SUPT20H: variants seen among roughly 807,000 people sequenced by gnomAD.
The protein encoded by SUPT20H is transcription factor SPT20 homolog.
In SUPT20H, 82 loss-of-function variants were observed where a neutral mutation model predicts 122.8. The observed-to-expected ratio is 0.67, with a 90% confidence interval of 0.56 to 0.80. The LOEUF is 0.80. Ranked by LOEUF, SUPT20H falls within the 30% of genes least tolerant of loss-of-function variation. The probability of loss-of-function intolerance (pLI) is 0.00; values close to 1 mark genes in which losing one functional copy is unlikely to be tolerated. For synonymous variants in SUPT20H, 291 were observed against 313.0 expected (o/e 0.93, Z 0.74); for missense variants, 831 against 921.6 (o/e 0.90, Z 1.27).
At chr13:37,043,964 A>C (rs570348566) in intron 7 of SUPT20H, 114 bp downstream of exon 7, 8 of 588,088 alleles carry the variant, frequency 1.4e-5, no homozygotes, top group Non-Finnish European at 2.3e-5. Context: ...ATCTGTCATG[A>C]AACATCATGT....
intron 6 of SUPT20H, 36 bp from the exon 7 acceptor site, chr13:37,044,217 C>T: frequency 6.5e-7 from 1 of 1,527,510 alleles, no homozygotes; most frequent in South Asian, 1.2e-5. Context: ...AATGATCATG[C>T]TCACTGAAAG....
chr13:37,022,695 A>C lies in SUPT20H; in HGVS notation c.1592-615T>G, dbSNP rs1366620393. ...CTAATTCAAGACTTCATTTAAAAAT[A>C]TTGCTTATTTAGTGTAAAAGTCTGA... On this transcript the variant is annotated intron_variant, in intron 19 of 25. Coordinates refer to ENST00000350612, the MANE Select transcript of SUPT20H (RefSeq NM_001014286.3). This position sits in a 1 kb window ranked among gnomAD's most constrained non-coding sequence, Gnocchi z 4.5. 1.0e-6 allele frequency: 1 copy of C among 992,216 alleles called. No individual in the cohort carries two copies. Among genetic ancestry groups the C allele is most frequent in the African/African-American group, 1.7e-5 (1 of 57,486 alleles). The allele number at this position is 992,216 out of a possible 1,614,324, so 61.5% of individuals were successfully genotyped here.
intron 24 of SUPT20H, among the ~76,000 whole-genome samples, chr13:37,011,675 A>C (rs2059656956): frequency 6.6e-6 from 1 of 152,198 alleles, no homozygotes; most frequent in South Asian, 2.1e-4. Flanking sequence ...GATAATCATT[A>C]AGAGTAATCT....
At position 37,009,422 on chromosome 13, in the gene SUPT20H, G is replaced by C; in HGVS notation, c.*250C>G. 3 of 748,420 alleles carry C rather than the reference G, an allele frequency of 4.0e-6. No individual in the cohort carries two copies. The South Asian group carries it at 5.7e-5, about 14-fold the overall frequency. 46.4% of individuals were successfully genotyped at this position (748,420 alleles called of 1,614,324 possible). A position where few individuals can be genotyped will look rare whatever the true frequency, so the allele number is the denominator to read the frequency against. On this transcript the variant is annotated 3_prime_UTR_variant, in exon 26 of 26. Coordinates refer to ENST00000350612, the MANE Select transcript of SUPT20H (RefSeq NM_001014286.3). ...TGAAAGATGTTTCTATTATTTCTTAGGTCACTTCCATATATATTATGTATA... is the reference window on the plus strand; with the variant it reads ...TGAAAGATGTTTCTATTATTTCTTACGTCACTTCCATATATATTATGTATA...
Position 37,044,095 on chromosome 13 carries a change from G to T in SUPT20H, c.379C>A (p.Leu127Ile). ...AEELPPILVD[L>I]LEKSQVNIFH... is the part of the protein sequence containing the mutation. ...TTTTGTACCTGAGATTTTTCTAGGA[G>T]ATCAACCAAAATAGGAGGTAATTCT... Residue 127 changes from leucine (L) to isoleucine (I), a missense_variant, in exon 7 of 26, where the codon CTC becomes ATC. Coordinates refer to ENST00000350612, the MANE Select transcript of SUPT20H (RefSeq NM_001014286.3). The T allele has an allele frequency of 6.2e-7, 1 of 1,611,558 alleles. No homozygotes were observed. Among genetic ancestry groups the T allele is most frequent in the Non-Finnish European group, 8.5e-7 (1 of 1,178,848 alleles).
At chr13:37,033,418 T>G (rs769424678) in intron 10 of SUPT20H, 31 bp downstream of exon 10, 2 of 1,600,944 alleles carry the variant, frequency 1.2e-6, no homozygotes, top group Non-Finnish European at 1.7e-6. Context: ...TACTTGTGTC[T>G]TTTGGTTCAC....
chr13:37,029,035 A>G (rs1475153101), intron 13 of SUPT20H, among the ~76,000 whole-genome samples: 1 of 151,988 alleles, frequency 6.6e-6, no homozygotes, highest in Non-Finnish European at 1.5e-5. Context: ...AACATCTGTC[A>G]TCATTTCACT....
Position 37,010,659 on chromosome 13 carries a change from CAG to C in SUPT20H, c.2099-6_2099-5del, listed in dbSNP as rs774880770. The C allele has an allele frequency of 6.2e-7, 1 of 1,612,446 alleles. No individual in the cohort carries two copies. The highest frequency in any genetic ancestry group is 8.5e-7 in the Non-Finnish European group (1 of 1,178,950). On this transcript the variant is annotated splice_polypyrimidine_tract_variant and splice_region_variant and intron_variant, in intron 24 of 25. Coordinates refer to ENST00000350612, the MANE Select transcript of SUPT20H (RefSeq NM_001014286.3). ...GCAGAGCCAAGCTGAGACAACACTA[CAG>C]AGAGGAGAAGGGGAAAGCAGGCCAG...
At chr13:37,048,002 T>A in intron 3 of SUPT20H, 66 bp from the exon 4 acceptor site, 4 of 1,274,398 alleles carry the variant, frequency 3.1e-6, no homozygotes, top group Non-Finnish European at 4.4e-6. Flanking sequence ...CTGTATTGAG[T>A]ATATCTAAAA....
At chr13:37,030,350 C>CATCTG (rs2063076126) in intron 12 of SUPT20H, among the ~76,000 whole-genome samples, 1 of 152,132 alleles carries the variant, frequency 6.6e-6, no homozygotes, top group South Asian at 2.1e-4. Flanking sequence ...ATGTCCTAGG[C>CATCTG]ATCTGTGTGA....
At chr13:37,030,157 T>C (rs569073808) in intron 12 of SUPT20H, among the ~76,000 whole-genome samples, 28 of 152,270 alleles carry the variant, frequency 1.8e-4, no homozygotes, top group African/African-American at 6.7e-4. Context: ...TTCAGGAAAA[T>C]TGGAATGTCA....
chr13:37,052,842 AAC>A (rs2068046193), intron 1 of SUPT20H, among the ~76,000 whole-genome samples: 1 of 149,066 alleles, frequency 6.7e-6, no homozygotes, highest in African/African-American at 2.6e-5. Flanking sequence ...AGAAAAAAAC[AAC>A]CCCATCAAAA....
chr13:37,045,901 C>T (rs985514024), intron 5 of SUPT20H, among the ~76,000 whole-genome samples: 6 of 151,916 alleles, frequency 3.9e-5, no homozygotes, highest in African/African-American at 9.7e-5. Context: ...ATTGGTAAGA[C>T]GAAGTAAGCA....
intron 9 of SUPT20H, among the ~76,000 whole-genome samples, chr13:37,035,001 A>C (rs2064073213): frequency 6.6e-6 from 1 of 152,242 alleles, no homozygotes; most frequent in Admixed American, 6.5e-5. Context: ...CAGAAAAAAA[A>C]GATTCTTTCA....
intron 21 of SUPT20H, among the ~76,000 whole-genome samples, chr13:37,020,557 T>G (rs909245607): frequency 1.3e-5 from 2 of 152,124 alleles, no homozygotes; most frequent in East Asian, 3.9e-4. Flanking sequence ...CATGTAAATA[T>G]CCTAAGTTCA....
chr13:37,052,107 C>A (rs2067863635), intron 1 of SUPT20H, among the ~76,000 whole-genome samples: 1 of 152,040 alleles, frequency 6.6e-6, no homozygotes, highest in African/African-American at 2.4e-5. Context: ...GCCATATTGC[C>A]CTAAGTACTC....
At chr13:37,059,225 A>T (rs865920308) in intron 1 of SUPT20H, 1 of 152,238 alleles carries the variant, frequency 6.6e-6, no homozygotes, top group South Asian at 2.1e-4. Context: ...CAGAGGAGCG[A>T]CAAGCCTTTA....
At chr13:37,018,990 A>G (rs939087699) in intron 22 of SUPT20H, among the ~76,000 whole-genome samples, 3 of 152,182 alleles carry the variant, frequency 2.0e-5, no homozygotes, top group African/African-American at 7.2e-5. Flanking sequence ...ACAAAAAAAA[A>G]CCAGTATTAC....
At chr13:37,037,598 C>A (rs2064724223) in intron 9 of SUPT20H, among the ~76,000 whole-genome samples, 1 of 152,176 alleles carries the variant, frequency 6.6e-6, no homozygotes, top group Non-Finnish European at 1.5e-5. Flanking sequence ...AAACAAAACC[C>A]TCTGCTCTCA....
Sources: gnomAD v4.1 joint callset for allele counts (sites outside exome capture counted in the v4.1 genomes callset) on GRCh38, gnomAD v4.1.1 for gene constraint, Gnocchi (gnomAD v3.1) non-coding constraint, MANE v1.5 for transcripts, NCBI Gene and HGNC (gene_info 2026-07-23, HGNC 2026-07-21) for gene names.